PTPRK: variants seen among roughly 807,000 people sequenced by gnomAD.
PTPRK encodes protein tyrosine phosphatase receptor type K.
A neutral mutation model predicts 178.0 loss-of-function variants in PTPRK; 75 were observed. That is an observed-to-expected ratio of 0.42 (90% CI 0.35 to 0.51). The LOEUF is 0.51. Among genes scored for constraint, PTPRK ranks in the 20% least tolerant of loss-of-function variants. The pLI, the probability that PTPRK is intolerant of heterozygous loss-of-function variation, is 0.02. For missense variants in PTPRK, 1,441 were observed against 1,797.8 expected (o/e 0.80, Z 3.59); for synonymous variants, 637 against 620.6 (o/e 1.03, Z -0.39).
intron 7 of PTPRK, among the ~76,000 whole-genome samples, chr6:128,119,336 G>T (rs757312931): frequency 3.3e-5 from 5 of 151,358 alleles, no homozygotes; most frequent in Non-Finnish European, 5.9e-5. Context: ...AGATCAAAAT[G>T]AATTGTATTA....
At chr6:128,409,908 A>G (rs1437321652) in intron 1 of PTPRK, among the ~76,000 whole-genome samples, 1 of 152,162 alleles carries the variant, frequency 6.6e-6, no homozygotes, top group East Asian at 1.9e-4. Context: ...TCTTTTGTAA[A>G]TTGCCCAGTT....
intron 2 of PTPRK, among the ~76,000 whole-genome samples, chr6:128,355,755 C>A (rs939396229): frequency 2.0e-5 from 3 of 152,048 alleles, no homozygotes; most frequent in African/African-American, 7.2e-5. Context: ...ATGTAACAAA[C>A]CTGCACGTTG....
intron 1 of PTPRK, among the ~76,000 whole-genome samples, chr6:128,451,413 G>A (rs1847777877): frequency 6.6e-6 from 1 of 152,112 alleles, no homozygotes. Context: ...TTTTGGCATA[G>A]TATAAAAGAA....
At chr6:128,298,102 C>G (rs1306653873) in intron 3 of PTPRK, among the ~76,000 whole-genome samples, 2 of 152,140 alleles carry the variant, frequency 1.3e-5, no homozygotes, top group African/African-American at 4.8e-5. Flanking sequence ...ACTACAAACA[C>G]CTCTAAGCAA....
chr6:128,421,792 C>T (rs1843515338), intron 1 of PTPRK, among the ~76,000 whole-genome samples: 2 of 152,196 alleles, frequency 1.3e-5, no homozygotes, highest in Admixed American at 6.5e-5. Flanking sequence ...TCAAGCTCCG[C>T]AATCAATCTA....
chr6:128,456,954 A>G (rs368070580), intron 1 of PTPRK, among the ~76,000 whole-genome samples: 1 of 152,146 alleles, frequency 6.6e-6, no homozygotes, highest in African/African-American at 2.4e-5. Flanking sequence ...TTATGTTTCA[A>G]TAACAGCTCC....
intron 13 of PTPRK, among the ~76,000 whole-genome samples, chr6:128,030,432 T>C (rs1301862054): frequency 1.3e-5 from 2 of 152,226 alleles, no homozygotes; most frequent in Non-Finnish European, 2.9e-5. Context: ...GCAGTGTTTC[T>C]AGCTCAATCA....
In PTPRK at chr6:128,434,856, C is replaced by CA. The variant is rs1050802753; in HGVS notation, c.101-37169dup. 4.0e-5 allele frequency among the ~76,000 whole-genome samples: 6 copies of CA among 150,566 alleles called. No homozygotes were observed. The East Asian group carries it at 5.9e-4, about 15-fold the overall frequency. On this transcript the variant is annotated intron_variant, in intron 1 of 29. Coordinates refer to ENST00000368226, the MANE Select transcript of PTPRK (RefSeq NM_002844.4). Reference sequence around the variant, plus strand: ...GCAAAATAGCAAGAATCTGTCTCTACAAAAAAATAAGAAAAAAAAAAGTTG... The same window carrying CA: ...GCAAAATAGCAAGAATCTGTCTCTACAAAAAAAATAAGAAAAAAAAAAGTTG...
chr6:128,450,580 T>C (rs1847660884), intron 1 of PTPRK, among the ~76,000 whole-genome samples: 1 of 152,192 alleles, frequency 6.6e-6, no homozygotes, highest in Non-Finnish European at 1.5e-5. Context: ...TTCCACGTCA[T>C]ATTAAGGCAC....
At chr6:128,392,512 A>T (rs777176512) in intron 2 of PTPRK, among the ~76,000 whole-genome samples, 3 of 152,206 alleles carry the variant, frequency 2.0e-5, no homozygotes, top group Non-Finnish European at 4.4e-5. Flanking sequence ...GTCAGTCACA[A>T]TCCCTACTCT....
At chr6:128,290,016 A>T (rs1327093516) in intron 3 of PTPRK, among the ~76,000 whole-genome samples, 1 of 152,144 alleles carries the variant, frequency 6.6e-6, no homozygotes. Context: ...ATCAGATGGA[A>T]AACCATTCCA....
At position 128,067,509 on chromosome 6, in the gene PTPRK, G is replaced by A. The variant is rs762040493; in HGVS notation, c.2157+10C>T. 4 of 1,468,180 alleles carry A rather than the reference G, an allele frequency of 2.7e-6. No individual in the cohort carries two copies. The East Asian group carries it at 9.5e-5, about 35-fold the overall frequency. 90.9% of individuals were successfully genotyped at this position (1,468,180 alleles called of 1,614,324 possible). A position where few individuals can be genotyped will look rare whatever the true frequency, so the allele number is the denominator to read the frequency against. ...AAGCAGGGAAAAAGCAAATCCTGGA[G>A]GAAGCTCACCTTCTCCACACTGCTC... On this transcript the variant is annotated intron_variant, in intron 12 of 29. Transcript: ENST00000368226.
chr6:128,238,908 T>C (rs531273310), intron 5 of PTPRK, among the ~76,000 whole-genome samples: 1 of 152,212 alleles, frequency 6.6e-6, no homozygotes, highest in African/African-American at 2.4e-5. Context: ...TGTTGTAACC[T>C]CCAATTGGAA....
chr6:128,366,776 C>T (rs928652119), intron 2 of PTPRK, among the ~76,000 whole-genome samples: 3 of 152,108 alleles, frequency 2.0e-5, no homozygotes, highest in African/African-American at 7.2e-5. Flanking sequence ...TGTGTGGGTT[C>T]ATGAAACATA....
chr6:127,988,687 T>A (rs527752375), intron 21 of PTPRK, among the ~76,000 whole-genome samples: 1 of 152,220 alleles, frequency 6.6e-6, no homozygotes. Context: ...ATAGCAAGTA[T>A]AATGGCTATG....
At chr6:128,078,717 G>A in intron 11 of PTPRK, 96 bp downstream of exon 11, 1 of 803,706 alleles carries the variant, frequency 1.2e-6, no homozygotes, top group Non-Finnish European at 2.1e-6. Context: ...AGTCTGTATA[G>A]GGTTTGTTAT....
chr6:128,298,548 T>C (rs1583991477), intron 3 of PTPRK, among the ~76,000 whole-genome samples: 1 of 152,260 alleles, frequency 6.6e-6, no homozygotes, highest in East Asian at 1.9e-4. Context: ...ATCCCTGGGA[T>C]GCAAGGCTGG....
chr6:128,409,107 G>A (rs1348764807), intron 1 of PTPRK, among the ~76,000 whole-genome samples: 1 of 152,182 alleles, frequency 6.6e-6, no homozygotes, highest in East Asian at 1.9e-4. Flanking sequence ...AACTGTTTCA[G>A]CTAGCAATTT....
At chr6:128,215,082 C>T (rs1809008977) in intron 6 of PTPRK, among the ~76,000 whole-genome samples, 1 of 152,120 alleles carries the variant, frequency 6.6e-6, no homozygotes, top group Admixed American at 6.6e-5. Flanking sequence ...AAACCAAAAA[C>T]TGTGCTTTCA....
Sources: allele counts gnomAD v4.1 joint callset (sites outside exome capture counted in the v4.1 genomes callset), GRCh38; gene constraint gnomAD v4.1.1; transcripts MANE v1.5; gene names NCBI Gene and HGNC (gene_info 2026-07-23, HGNC 2026-07-21).